DCC: variants seen among roughly 807,000 people sequenced by gnomAD.
The protein encoded by DCC is DCC netrin 1 receptor, also known as netrin receptor DCC.
A neutral mutation model predicts 172.5 loss-of-function variants in DCC; 58 were observed. The ratio of observed to expected loss-of-function variants is 0.34; its 90% CI spans 0.27 to 0.42. The LOEUF (loss-of-function observed/expected upper bound fraction) is 0.42, where lower values mean the gene tolerates loss of function less well. DCC is among the 10% of genes least tolerant of loss of function. The probability of loss-of-function intolerance (pLI) is 1.00; values close to 1 mark genes in which losing one functional copy is unlikely to be tolerated. For missense variants in DCC, 1,740 were observed against 1,791.0 expected, an observed-to-expected ratio of 0.97 and a Z score of 0.51; for synonymous variants, 709 against 644.5, an observed-to-expected ratio of 1.10 and a Z score of -1.52.
At chr18:53,503,682 A>ATGAACC (rs2046132844) in intron 27 of DCC, among the ~76,000 whole-genome samples, 1 of 152,188 alleles carries the variant, frequency 6.6e-6, no homozygotes, top group Non-Finnish European at 1.5e-5. Flanking sequence ...TGCACTTTAA[A>ATGAACC]TGAACCTGGG....
chr18:52,914,579 AT>A (rs1438276537), intron 3 of DCC, among the ~76,000 whole-genome samples: 1 of 152,078 alleles, frequency 6.6e-6, no homozygotes, highest in African/African-American at 2.4e-5. Flanking sequence ...GGAAGTTTTC[AT>A]TTTTTTATTA....
chr18:52,793,788 T>C (rs971249252), intron 2 of DCC, among the ~76,000 whole-genome samples: 3 of 152,222 alleles, frequency 2.0e-5, no homozygotes, highest in African/African-American at 7.2e-5. Context: ...TTTAACTCTT[T>C]AACCATTTTG....
intron 5 of DCC, among the ~76,000 whole-genome samples, chr18:53,014,481 T>C (rs2041778829): frequency 8.0e-6 from 1 of 125,310 alleles, no homozygotes; most frequent in African/African-American, 3.0e-5. Flanking sequence ...GATGTTCCCC[T>C]TCCTGTGTCC....
rs138596300 is a variant in DCC, at chr18:53,134,696, T to C, written c.1262-22660T>C. 9.8e-3 allele frequency among the ~76,000 whole-genome samples: 1,496 copies of C among 152,250 alleles called. 34 individuals are homozygous for C. The highest frequency in any genetic ancestry group is 0.033 in the African/African-American group (1,390 of 41,570). On this transcript the variant is annotated intron_variant, in intron 7 of 28. Transcript: ENST00000442544. ...GGTAGACTATAGTTAAAAGAAATGA[T>C]TTTTTTGACATTGGTCAGAAAGTTA...
At chr18:53,047,018 C>T (rs1428346348) in intron 5 of DCC, among the ~76,000 whole-genome samples, 2 of 151,332 alleles carry the variant, frequency 1.3e-5, no homozygotes, top group African/African-American at 4.8e-5. Flanking sequence ...CTTTTCTCCA[C>T]ATGATCTCCC....
chr18:52,840,587 A>G, intron 2 of DCC, among the ~76,000 whole-genome samples: 1 of 152,190 alleles, frequency 6.6e-6, no homozygotes, highest in Admixed American at 6.5e-5. Context: ...CTGTCCCAGT[A>G]TGAACTATGC....
intron 9 of DCC, among the ~76,000 whole-genome samples, chr18:53,184,522 G>A (rs532014662): frequency 6.6e-6 from 1 of 152,158 alleles, no homozygotes; most frequent in South Asian, 2.1e-4. Context: ...AGGCTATATG[G>A]TATAGCCTAT....
At chr18:52,380,810 T>C (rs1232221975) in intron 1 of DCC, among the ~76,000 whole-genome samples, 1 of 152,122 alleles carries the variant, frequency 6.6e-6, no homozygotes, top group Non-Finnish European at 1.5e-5. Flanking sequence ...TTCTGTCTGT[T>C]CTTTCTCACC....
At chr18:53,371,495 T>C (rs974626108) in intron 15 of DCC, among the ~76,000 whole-genome samples, 11 of 151,912 alleles carry the variant, frequency 7.2e-5, no homozygotes, top group Non-Finnish European at 1.5e-4. Context: ...GGCATGGAAG[T>C]GGTAAAGAAA....
chr18:52,666,705 A>T (rs1374714894), intron 1 of DCC, among the ~76,000 whole-genome samples: 2 of 152,354 alleles, frequency 1.3e-5, no homozygotes, highest in South Asian at 2.1e-4. Flanking sequence ...AAAGCACAGA[A>T]TCAATTTGTC....
intron 1 of DCC, among the ~76,000 whole-genome samples, chr18:52,531,028 A>G (rs1324393429): frequency 6.6e-6 from 1 of 152,168 alleles, no homozygotes; most frequent in Non-Finnish European, 1.5e-5. Context: ...GCCTCTAAAC[A>G]TCTTCTATTT....
chr18:53,439,721 A>G (rs1157502458), intron 22 of DCC, among the ~76,000 whole-genome samples: 1 of 151,738 alleles, frequency 6.6e-6, no homozygotes, highest in Non-Finnish European at 1.5e-5. Context: ...TTATTTTCTG[A>G]TGGCAGGTAG....
chr18:52,730,930 C>T (rs2036629643), intron 1 of DCC, among the ~76,000 whole-genome samples: 1 of 152,184 alleles, frequency 6.6e-6, no homozygotes, highest in African/African-American at 2.4e-5. Context: ...ATCATTATAT[C>T]CTGTTGCAAA....
At chr18:52,497,751 T>C (rs768941187) in intron 1 of DCC, among the ~76,000 whole-genome samples, 2 of 152,038 alleles carry the variant, frequency 1.3e-5, no homozygotes, top group African/African-American at 2.4e-5. Context: ...CAAGGGGTGG[T>C]CTATACACAG....
intron 12 of DCC, among the ~76,000 whole-genome samples, chr18:53,272,618 CATAGT>C (rs1240759836): frequency 1.3e-4 from 20 of 152,152 alleles, no homozygotes; most frequent in Non-Finnish European, 2.8e-4. Context: ...CATTCCTTCA[CATAGT>C]CACTTATATA....
intron 1 of DCC, among the ~76,000 whole-genome samples, chr18:52,608,152 T>A (rs1423671875): frequency 6.6e-6 from 1 of 152,156 alleles, no homozygotes; most frequent in East Asian, 1.9e-4. Flanking sequence ...TGTCTGTGTA[T>A]CACTTACCAT....
intron 1 of DCC, among the ~76,000 whole-genome samples, chr18:52,473,679 G>A (rs1347195329): frequency 6.6e-6 from 1 of 152,130 alleles, no homozygotes; most frequent in Non-Finnish European, 1.5e-5. Flanking sequence ...CAGGATAGGG[G>A]AAACTGCCCC....
chr18:52,489,104 G>A (rs781365795), intron 1 of DCC, among the ~76,000 whole-genome samples: 6 of 151,924 alleles, frequency 3.9e-5, no homozygotes, highest in East Asian at 3.9e-4. Context: ...ATGTGAGCAC[G>A]AATCCTCTAT....
intron 2 of DCC, among the ~76,000 whole-genome samples, chr18:52,846,514 G>A (rs545359047): frequency 2.1e-4 from 32 of 151,814 alleles, no homozygotes; most frequent in Middle Eastern, 6.8e-3. Context: ...ACTACAGCCT[G>A]GGCAAAAGAT....
Sources: gnomAD v4.1 joint callset for allele counts (sites outside exome capture counted in the v4.1 genomes callset) on GRCh38, gnomAD v4.1.1 for gene constraint, MANE v1.5 for transcripts, NCBI Gene and HGNC (gene_info 2026-07-23, HGNC 2026-07-21) for gene names.